The following FAM135B variants were observed in gnomAD, a reference collection of about 807,000 sequenced individuals.
FAM135B encodes family with sequence similarity 135 member B, also known as protein FAM135B.
Under a neutral mutation model 127.7 loss-of-function variants are expected in FAM135B, and 43 were observed. The observed-to-expected ratio is 0.34, with a 90% CI of 0.26 to 0.43. The LOEUF (loss-of-function observed/expected upper bound fraction) is 0.43, where lower values mean the gene tolerates loss of function less well. Among genes scored for constraint, FAM135B ranks in the 20% least tolerant of loss-of-function variants. The pLI, the probability that FAM135B is intolerant of heterozygous loss-of-function variation, is 1.00. For missense variants in FAM135B, 1,558 were observed against 1,725.6 expected (o/e 0.90, Z 1.72); for synonymous variants, 670 against 665.1 (o/e 1.01, Z -0.11).
chr8:138,447,461 A>T (rs915054004), intron 1 of FAM135B, among the ~76,000 whole-genome samples: 4 of 152,184 alleles, frequency 2.6e-5, no homozygotes, highest in Admixed American at 2.6e-4. Flanking sequence ...TACACCATGG[A>T]ATACTATGCA....
chr8:138,251,047 A>G (rs767523580), intron 5 of FAM135B, 33 bp from the exon 6 acceptor site: 2 of 1,611,140 alleles, frequency 1.2e-6, no homozygotes, highest in Non-Finnish European at 1.7e-6. Flanking sequence ...CACGTGAGAA[A>G]TGGTGGGTTG....
chr8:138,246,481 C>T (rs190020815), intron 6 of FAM135B, among the ~76,000 whole-genome samples: 1 of 152,270 alleles, frequency 6.6e-6, no homozygotes, highest in Admixed American at 6.5e-5. Flanking sequence ...GGGTGCGAGC[C>T]TCAAGCCTTG....
chr8:138,305,743 A>ATT (rs1826193799), intron 3 of FAM135B, among the ~76,000 whole-genome samples: 1 of 152,218 alleles, frequency 6.6e-6, no homozygotes, highest in Admixed American at 6.5e-5. Context: ...ACTCAGATAA[A>ATT]TATCAGTTTT....
rs763906967 is a variant in FAM135B, at chr8:138,152,611, T to C, written c.1864A>G (p.Ile622Val). ...AGCACCATCTTCCCCTCTTGATCTA[T>C]TCCCTTTCCTAGAGTACTTAATTCA... ...LHELSTLGKG[I>V]DQEGKMVLLS... The change falls in exon 13 of 20, where the codon ATA becomes GTA. Residue 622 changes from isoleucine to valine, a missense_variant. This residue lies in a region of FAM135B where 923 missense variants were observed against 865.3 expected (regional missense o/e 1.07). Coordinates refer to ENST00000395297, the MANE Select transcript of FAM135B (RefSeq NM_015912.4). The C allele has an allele frequency of 6.1e-5, 98 of 1,614,092 alleles. No individual in the cohort carries two copies. In the Middle Eastern group the frequency reaches 9.9e-4, roughly 16 times the overall value.
intron 9 of FAM135B, among the ~76,000 whole-genome samples, chr8:138,179,643 T>G (rs1039729525): frequency 6.6e-6 from 1 of 152,194 alleles, no homozygotes; most frequent in East Asian, 1.9e-4. Context: ...TCATGCACGA[T>G]AGGTGCTCCA....
intron 6 of FAM135B, among the ~76,000 whole-genome samples, chr8:138,245,656 C>T (rs1236273752): frequency 6.6e-6 from 1 of 152,174 alleles, no homozygotes; most frequent in Non-Finnish European, 1.5e-5. Context: ...TTCTTCACAG[C>T]AGCATAAGAA....
chr8:138,426,151 T>TATAA (rs1309687607), intron 1 of FAM135B, among the ~76,000 whole-genome samples: 4 of 149,066 alleles, frequency 2.7e-5, no homozygotes, highest in Admixed American at 6.8e-5. Flanking sequence ...TATATATATA[T>TATAA]AATGCTAAGC....
intron 19 of FAM135B, among the ~76,000 whole-genome samples, chr8:138,134,393 GA>G (rs945679416): frequency 1.3e-5 from 2 of 152,048 alleles, no homozygotes; most frequent in Admixed American, 6.5e-5. Context: ...TTTATTTAAA[GA>G]AAAAAGTCAC....
chr8:138,262,880 C>T (rs956686231), intron 4 of FAM135B, among the ~76,000 whole-genome samples: 5 of 128,154 alleles, frequency 3.9e-5, no homozygotes, highest in Non-Finnish European at 6.3e-5. Flanking sequence ...CCAGCCTGAG[C>T]GACAGTGGGA....
At chr8:138,448,805 A>T (rs912060978) in intron 1 of FAM135B, among the ~76,000 whole-genome samples, 1 of 151,684 alleles carries the variant, frequency 6.6e-6, no homozygotes, top group African/African-American at 2.4e-5. Flanking sequence ...AAAAAAAAAA[A>T]GCTAGGAATC....
chr8:138,156,813 C>A (rs1159315020), intron 12 of FAM135B, among the ~76,000 whole-genome samples: 1 of 152,220 alleles, frequency 6.6e-6, no homozygotes, highest in Non-Finnish European at 1.5e-5. Context: ...TAATAGCCTA[C>A]CAACCAAAAA....
chr8:138,269,479 C>A (rs530003067), intron 3 of FAM135B, among the ~76,000 whole-genome samples: 1 of 152,144 alleles, frequency 6.6e-6, no homozygotes, highest in Non-Finnish European at 1.5e-5. Context: ...CTTTCAATTC[C>A]CCAGGCCTGA....
At chr8:138,157,605 T>C (rs200492446) in intron 12 of FAM135B, among the ~76,000 whole-genome samples, 8 of 152,050 alleles carry the variant, frequency 5.3e-5, no homozygotes, top group African/African-American at 1.9e-4. Context: ...AAAGTCTCAG[T>C]ATACAAAATC....
intron 2 of FAM135B, among the ~76,000 whole-genome samples, chr8:138,312,848 G>A (rs1346114430): frequency 6.6e-6 from 1 of 152,194 alleles, no homozygotes; most frequent in African/African-American, 2.4e-5. Context: ...ACCATGTGGG[G>A]AGCCTGGACC....
intron 12 of FAM135B, among the ~76,000 whole-genome samples, chr8:138,155,051 T>C (rs1198148575): frequency 5.3e-5 from 8 of 152,300 alleles, no homozygotes; most frequent in Non-Finnish European, 7.3e-5. Flanking sequence ...GAGAGAAAGA[T>C]TGGGTTACCC....
chr8:138,354,879 CTCT>C (rs1167204983), intron 2 of FAM135B, among the ~76,000 whole-genome samples: 1 of 152,062 alleles, frequency 6.6e-6, no homozygotes, highest in African/African-American at 2.4e-5. Flanking sequence ...CTCATTCACT[CTCT>C]TTTTTTCTAG....
intron 12 of FAM135B, among the ~76,000 whole-genome samples, chr8:138,157,012 A>T (rs573359308): frequency 6.6e-6 from 1 of 152,364 alleles, no homozygotes; most frequent in African/African-American, 2.4e-5. Context: ...ATTTTAGACC[A>T]ATATTCCTGA....
Position 138,242,812 on chromosome 8 carries a change from G to T in FAM135B, c.669+130C>A. ...GATAAAAACAAGGGGTGGGAAGATG[G>T]TGAAAGGAAGGGTCAAATTAGCAAA... On this transcript the variant is annotated intron_variant, in intron 7 of 19. Coordinates refer to ENST00000395297, the MANE Select transcript of FAM135B (RefSeq NM_015912.4). The surrounding 1 kb of genome is among the most constrained non-coding windows in gnomAD (Gnocchi z 9.6). 1 of 1,230,520 alleles carries T rather than the reference G, an allele frequency of 8.1e-7. No individual in the cohort carries two copies. Among genetic ancestry groups the T allele is most frequent in the African/African-American group, 1.5e-5 (1 of 65,484 alleles). 76.2% of individuals were successfully genotyped at this position (1,230,520 alleles called of 1,614,324 possible). A position where few individuals can be genotyped will look rare whatever the true frequency, so the allele number is the denominator to read the frequency against.
chr8:138,307,382 G>A (rs931363348), intron 3 of FAM135B, among the ~76,000 whole-genome samples: 3 of 152,072 alleles, frequency 2.0e-5, no homozygotes, highest in Non-Finnish European at 4.4e-5. Context: ...TTATGTAAAT[G>A]GCCCAGTCTT....
Sources: allele counts gnomAD v4.1 joint callset (sites outside exome capture counted in the v4.1 genomes callset), GRCh38; gene constraint gnomAD v4.1.1; regional missense constraint gnomAD v4.1.1; non-coding constraint Gnocchi (gnomAD v3.1); transcripts MANE v1.5; gene names NCBI Gene and HGNC (gene_info 2026-07-23, HGNC 2026-07-21).